SYT1: variants seen among roughly 807,000 people sequenced by gnomAD.
SYT1 encodes the protein synaptotagmin-1.
In SYT1, 8 loss-of-function variants were observed where a neutral mutation model predicts 44.8. The ratio of observed to expected loss-of-function variants is 0.18; its 90% confidence interval spans 0.10 to 0.32. The LOEUF (loss-of-function observed/expected upper bound fraction) is 0.32. Among genes scored for constraint, SYT1 ranks in the 10% least tolerant of loss-of-function variants. SYT1 has a pLI of 1.00. For synonymous variants in SYT1, 154 were observed against 188.8 expected, an observed-to-expected ratio of 0.82 and a Z score of 1.51; for missense variants, 286 against 509.3, an observed-to-expected ratio of 0.56 and a Z score of 4.22.
In SYT1 at chr12:79,433,254, G is replaced by A. The variant is rs373239903; in HGVS notation, c.929-10819G>A. Among the ~76,000 whole-genome samples the A allele has an allele frequency of 3.9e-4, 60 of 152,294 alleles. No homozygotes were observed. In the South Asian group the frequency reaches 0.012, roughly 31 times the overall value. ...ACCAATTGTAGAACTGAGTGAGCCT[G>A]AGTAAGCCACTGAAGACCAGGAACC... is the stretch of plus-strand genomic sequence containing the variant. On this transcript the variant is annotated intron_variant, in intron 9 of 10. Coordinates refer to ENST00000261205, the MANE Select transcript of SYT1 (RefSeq NM_005639.3).
At chr12:79,412,396 C>T (rs367904655) in intron 9 of SYT1, among the ~76,000 whole-genome samples, 7 of 152,164 alleles carry the variant, frequency 4.6e-5, no homozygotes, top group East Asian at 1.9e-4. Context: ...TCAGCCCATT[C>T]GCCCAACTCC....
At chr12:78,943,392 C>A (rs1472660843) in intron 1 of SYT1, among the ~76,000 whole-genome samples, 1 of 152,112 alleles carries the variant, frequency 6.6e-6, no homozygotes. Flanking sequence ...GGAGCAGGCA[C>A]CTCACATGGT....
intron 4 of SYT1, 21 bp from the exon 5 acceptor site, chr12:79,285,766 C>A (rs1434446359): frequency 6.4e-7 from 1 of 1,560,874 alleles, no homozygotes. Flanking sequence ...ATGACTAGTG[C>A]TCTCTGTGTG....
At chr12:79,007,626 G>A (rs769930763) in intron 2 of SYT1, among the ~76,000 whole-genome samples, 3 of 151,952 alleles carry the variant, frequency 2.0e-5, no homozygotes, top group East Asian at 1.9e-4. Context: ...GTTAGTGAAC[G>A]GTTAATTTGG....
chr12:79,409,344 AC>A (rs1353521667), intron 9 of SYT1, among the ~76,000 whole-genome samples: 1 of 152,154 alleles, frequency 6.6e-6, no homozygotes, highest in Non-Finnish European at 1.5e-5. Flanking sequence ...ACACTCACAG[AC>A]TTTTTTCAAA....
chr12:78,973,931 AAAAAAAAATATATATATATATATATAT>A (rs1175356137), intron 1 of SYT1, among the ~76,000 whole-genome samples: 5 of 33,010 alleles, frequency 1.5e-4, no homozygotes, highest in African/African-American at 6.6e-4. Context: ...AAAAAAAAAA[AAAAAAAAATATATATATATATATATAT>A]ATATATATAT....
chr12:79,257,019 T>C lies in SYT1; in HGVS notation c.167-28768T>C, dbSNP rs187862085. On this transcript the variant is annotated intron_variant, in intron 4 of 10. Transcript: ENST00000261205. Reference sequence around the variant, plus strand: ...TCTAGCAACTTGATAAGAGAGTCTCTGTGTGTTTATGGCCAAGATAAATGA... The same window carrying C: ...TCTAGCAACTTGATAAGAGAGTCTCCGTGTGTTTATGGCCAAGATAAATGA... 3.3e-5 allele frequency among the ~76,000 whole-genome samples: 5 copies of C among 152,316 alleles called. No homozygotes were observed. The East Asian group carries it at 9.6e-4, about 29-fold the overall frequency.
At chr12:79,230,743 A>C (rs1356001238) in intron 4 of SYT1, among the ~76,000 whole-genome samples, 1 of 152,124 alleles carries the variant, frequency 6.6e-6, no homozygotes, top group Non-Finnish European at 1.5e-5. Context: ...ATACAGAGTA[A>C]CAGTAAGCAC....
intron 4 of SYT1, among the ~76,000 whole-genome samples, chr12:79,266,425 G>A (rs1878130686): frequency 6.6e-6 from 1 of 152,042 alleles, no homozygotes; most frequent in African/African-American, 2.4e-5. Flanking sequence ...AAAAATAAAG[G>A]GGATTCTACA....
chr12:79,423,562 G>C (rs1299210621), intron 9 of SYT1, among the ~76,000 whole-genome samples: 4 of 152,046 alleles, frequency 2.6e-5, no homozygotes, highest in Non-Finnish European at 5.9e-5. Context: ...GAGGTGGTTT[G>C]GTTGGGTTCC....
At chr12:79,130,283 T>C (rs905029242) in intron 3 of SYT1, among the ~76,000 whole-genome samples, 3 of 152,206 alleles carry the variant, frequency 2.0e-5, no homozygotes, top group East Asian at 1.9e-4. Flanking sequence ...AGTTGATCTA[T>C]AGCAGGCTTT....
chr12:79,134,164 A>G (rs1268294868), intron 3 of SYT1, among the ~76,000 whole-genome samples: 1 of 152,210 alleles, frequency 6.6e-6, no homozygotes, highest in Non-Finnish European at 1.5e-5. Flanking sequence ...TTTTAAAACT[A>G]TGTTGTGTAT....
intron 9 of SYT1, among the ~76,000 whole-genome samples, chr12:79,364,677 C>CA (rs1883467721): frequency 1.3e-5 from 2 of 151,882 alleles, no homozygotes; most frequent in Admixed American, 6.6e-5. Context: ...TGCTTTTAGC[C>CA]AAAACTAAAG....
chr12:79,409,070 A>T (rs1242967656), intron 9 of SYT1, among the ~76,000 whole-genome samples: 1 of 152,118 alleles, frequency 6.6e-6, no homozygotes, highest in Non-Finnish European at 1.5e-5. Context: ...AGTTAGTTCC[A>T]CAATGGTCTG....
intron 9 of SYT1, among the ~76,000 whole-genome samples, chr12:79,431,928 T>C (rs1450589791): frequency 6.6e-6 from 1 of 152,190 alleles, no homozygotes; most frequent in Non-Finnish European, 1.5e-5. Flanking sequence ...AGGTAGAAGT[T>C]GATCTCTCCC....
intron 4 of SYT1, among the ~76,000 whole-genome samples, chr12:79,236,334 T>C (rs1256726642): frequency 6.6e-6 from 1 of 152,198 alleles, no homozygotes; most frequent in East Asian, 1.9e-4. Context: ...CCAGCCTCTT[T>C]CCAGCCTCTC....
At chr12:78,988,553 A>G (rs1309520848) in intron 2 of SYT1, among the ~76,000 whole-genome samples, 1 of 151,962 alleles carries the variant, frequency 6.6e-6, no homozygotes, top group African/African-American at 2.4e-5. Flanking sequence ...GACTTTGTGT[A>G]AAATCCCAAA....
intron 2 of SYT1, among the ~76,000 whole-genome samples, chr12:79,003,433 T>C (rs1006364826): frequency 3.9e-5 from 6 of 151,950 alleles, no homozygotes; most frequent in African/African-American, 1.4e-4. Context: ...TTGCAACACA[T>C]ATGTTATTTA....
chr12:79,399,289 A>ATTTTT (rs576684760), intron 9 of SYT1, among the ~76,000 whole-genome samples: 1 of 134,204 alleles, frequency 7.5e-6, no homozygotes, highest in Non-Finnish European at 1.6e-5. Context: ...AGTAATTTGA[A>ATTTTT]TTTTTTTTTT....
Sources: gnomAD v4.1 joint callset for allele counts (sites outside exome capture counted in the v4.1 genomes callset) on GRCh38, gnomAD v4.1.1 for gene constraint, MANE v1.5 for transcripts, NCBI Gene and HGNC (gene_info 2026-07-23, HGNC 2026-07-21) for gene names.